Variants in CAMK2A observed in about 807,000 individuals in gnomAD.
CAMK2A encodes calcium/calmodulin-dependent protein kinase type II subunit alpha.
Under a neutral mutation model 79.2 loss-of-function variants are expected in CAMK2A, and 7 were observed. The ratio of observed to expected loss-of-function variants is 0.09; its 90% CI spans 0.05 to 0.17. CAMK2A has a LOEUF of 0.17. Among genes scored for constraint, CAMK2A ranks in the 10% least tolerant of loss-of-function variants. CAMK2A has a pLI of 1.00. For missense variants in CAMK2A, 214 were observed against 646.4 expected (o/e 0.33, Z 7.25); for synonymous variants, 242 against 251.7 (o/e 0.96, Z 0.36).
intron 17 of CAMK2A, among the ~76,000 whole-genome samples, chr5:150,225,505 C>T (rs1287297865): frequency 6.6e-6 from 1 of 152,110 alleles, no homozygotes; most frequent in East Asian, 1.9e-4. Context: ...TAGAGGCAGG[C>T]CAAGGGCTGC....
At chr5:150,278,726 T>C (rs1308685952) in intron 1 of CAMK2A, among the ~76,000 whole-genome samples, 2 of 142,604 alleles carry the variant, frequency 1.4e-5, no homozygotes, top group Non-Finnish European at 3.0e-5. Context: ...TGCCCCTGGG[T>C]GCAAAGGAGG....
At chr5:150,287,566 C>G (rs757262350) in intron 1 of CAMK2A, among the ~76,000 whole-genome samples, 12 of 152,158 alleles carry the variant, frequency 7.9e-5, no homozygotes, top group Non-Finnish European at 1.5e-4. Context: ...TGATATCCAT[C>G]TCCTCTTGGG....
intron 6 of CAMK2A, among the ~76,000 whole-genome samples, chr5:150,255,527 C>T (rs539611830): frequency 3.3e-5 from 5 of 152,326 alleles, no homozygotes; most frequent in East Asian, 3.9e-4. Flanking sequence ...TGCTGGAGTC[C>T]GTCTAGGGCT....
At chr5:150,283,771 T>C (rs1041726516) in intron 1 of CAMK2A, among the ~76,000 whole-genome samples, 7 of 152,206 alleles carry the variant, frequency 4.6e-5, no homozygotes, top group Admixed American at 4.6e-4. Flanking sequence ...ACTACTTAAG[T>C]CTTGCATGTG....
In CAMK2A at chr5:150,228,304, G is replaced by T; in HGVS notation, c.1143-18C>A. The T allele has an allele frequency of 6.3e-7, 1 of 1,592,988 alleles. No homozygotes were observed. The highest frequency in any genetic ancestry group is 8.6e-7 in the Non-Finnish European group (1 of 1,162,078). ...ACATCTTCCTGGGGGAAAGAAGCCA[G>T]AGGGAAGAGGGACTGGGGCGGCTTC... On this transcript the variant is annotated intron_variant, in intron 16 of 18. Coordinates refer to ENST00000671881, the MANE Select transcript of CAMK2A (RefSeq NM_015981.4).
intron 15 of CAMK2A, among the ~76,000 whole-genome samples, chr5:150,236,992 C>A (rs58022408): frequency 6.6e-6 from 1 of 152,100 alleles, no homozygotes; most frequent in Non-Finnish European, 1.5e-5. Flanking sequence ...TGGCCTCAAG[C>A]GATCCTCCTG....
chr5:150,271,701 C>T (rs1756756003), intron 2 of CAMK2A, among the ~76,000 whole-genome samples: 1 of 152,368 alleles, frequency 6.6e-6, no homozygotes, highest in African/African-American at 2.4e-5. Context: ...CCATTTCATT[C>T]AGGGTGGGGA....
At chr5:150,253,720 A>T (rs1378692263) in intron 6 of CAMK2A, among the ~76,000 whole-genome samples, 174 bp from the exon 7 acceptor site, 1 of 152,142 alleles carries the variant, frequency 6.6e-6, no homozygotes, top group Admixed American at 6.5e-5. Flanking sequence ...GTCCCCAGAG[A>T]GGGGACTATC....
chr5:150,228,035 G>A (rs1754678336), intron 17 of CAMK2A, among the ~76,000 whole-genome samples, 157 bp downstream of exon 17: 1 of 152,156 alleles, frequency 6.6e-6, no homozygotes, highest in Admixed American at 6.5e-5. Flanking sequence ...GTTAGGAGAG[G>A]GAACCAAGAG....
chr5:150,281,687 C>G (rs530262379), intron 1 of CAMK2A, among the ~76,000 whole-genome samples: 1 of 152,310 alleles, frequency 6.6e-6, no homozygotes, highest in East Asian at 1.9e-4. Context: ...TGGAAAATAG[C>G]AGCATTCTGC....
At chr5:150,285,543 C>A (rs1757389370) in intron 1 of CAMK2A, among the ~76,000 whole-genome samples, 1 of 152,150 alleles carries the variant, frequency 6.6e-6, no homozygotes, top group African/African-American at 2.4e-5. Flanking sequence ...GGCCCCAGGA[C>A]CTCAGTACAG....
chr5:150,247,688 G>A, intron 12 of CAMK2A, 84 bp downstream of exon 12: 1 of 1,140,236 alleles, frequency 8.8e-7, no homozygotes, highest in Admixed American at 2.0e-5. Context: ...CCAGTGGCCT[G>A]GGGGCACTCC....
At position 150,222,452 on chromosome 5, in the gene CAMK2A, ACACCCATGCC is replaced by A. The variant is rs987656140; in HGVS notation, c.*248_*257del. ...TGGGGAGAGGGGGCCAGTGCTGTGG[ACACCCATGCC>A]TGAGGAAGCCCCAGCCTGGCAGGGG... On this transcript the variant is annotated 3_prime_UTR_variant, in exon 19 of 19. Transcript: ENST00000671881. The A allele has an allele frequency of 4.3e-6, 3 of 699,454 alleles. No homozygotes were observed. The African/African-American group carries it at 5.2e-5, about 12-fold the overall frequency. The allele number at this position is 699,454 out of a possible 1,614,324, so 43.3% of individuals were successfully genotyped here. A position where few individuals can be genotyped will look rare whatever the true frequency, so the allele number is the denominator to read the frequency against.
chr5:150,276,499 T>C (rs1387520084), intron 1 of CAMK2A, among the ~76,000 whole-genome samples: 3 of 152,168 alleles, frequency 2.0e-5, no homozygotes, highest in African/African-American at 4.8e-5. Context: ...CTAAGGAAGG[T>C]GGGGGACAAC....
chr5:150,231,411 A>C (rs766180478), intron 15 of CAMK2A, 31 bp from the exon 16 acceptor site: 1 of 463,776 alleles, frequency 2.2e-6, no homozygotes, highest in Non-Finnish European at 3.1e-6. Context: ...CAGAAATAAT[A>C]ATAATAATAA....
intron 1 of CAMK2A, among the ~76,000 whole-genome samples, chr5:150,287,943 G>C (rs1580964994): frequency 1.5e-5 from 2 of 137,830 alleles, no homozygotes; most frequent in African/African-American, 5.1e-5. Context: ...GCCTCTGTGT[G>C]TGTGTGTGTG....
At chr5:150,239,789 G>C in intron 13 of CAMK2A, 53 bp from the exon 14 acceptor site, 2 of 1,518,094 alleles carry the variant, frequency 1.3e-6, no homozygotes, top group Non-Finnish European at 9.2e-7. Flanking sequence ...CGTGAAAACG[G>C]CAGGGAGCAG....
At chr5:150,230,352 A>G (rs1394883509) in intron 16 of CAMK2A, among the ~76,000 whole-genome samples, 3 of 151,624 alleles carry the variant, frequency 2.0e-5, no homozygotes, top group East Asian at 1.9e-4. Flanking sequence ...GGAAAAAAAA[A>G]AGAATGCACC....
At chr5:150,234,543 G>T (rs780902474) in intron 15 of CAMK2A, among the ~76,000 whole-genome samples, 2 of 152,218 alleles carry the variant, frequency 1.3e-5, no homozygotes, top group African/African-American at 4.8e-5. Flanking sequence ...CTCACAGAGA[G>T]CCAGTTGCTG....
Sources: allele counts gnomAD v4.1 joint callset (sites outside exome capture counted in the v4.1 genomes callset), GRCh38; gene constraint gnomAD v4.1.1; transcripts MANE v1.5; gene names NCBI Gene and HGNC (gene_info 2026-07-23, HGNC 2026-07-21).